Variants in SKAP2 observed in about 807,000 individuals in gnomAD.
The protein encoded by SKAP2 is src kinase-associated phosphoprotein 2.
Under a neutral mutation model 54.9 loss-of-function variants are expected in SKAP2, and 28 were observed. That is an observed-to-expected ratio of 0.51 (90% CI 0.38 to 0.70). SKAP2 has a LOEUF of 0.70. Among genes scored for constraint, SKAP2 ranks in the 30% least tolerant of loss-of-function variants. The pLI is 0.00. For synonymous variants in SKAP2, 137 were observed against 134.3 expected (o/e 1.02, Z -0.14); for missense variants, 356 against 424.1 (o/e 0.84, Z 1.41).
At chr7:26,836,667 C>T (rs1784719896) in intron 4 of SKAP2, among the ~76,000 whole-genome samples, 2 of 152,142 alleles carry the variant, frequency 1.3e-5, no homozygotes, top group African/African-American at 4.8e-5. Flanking sequence ...GAACAGTGAT[C>T]ATTAAAAAGT....
Position 26,844,150 on chromosome 7 carries a change from A to C in SKAP2, c.200-13T>G. 1 of 1,525,208 alleles carries C rather than the reference A, an allele frequency of 6.6e-7. No individual in the cohort carries two copies. Among genetic ancestry groups the C allele is most frequent in the Non-Finnish European group, 9.1e-7 (1 of 1,103,768 alleles). 94.5% of individuals were successfully genotyped at this position (1,525,208 alleles called of 1,614,324 possible). On this transcript the variant is annotated splice_polypyrimidine_tract_variant and intron_variant, in intron 3 of 12. Transcript: ENST00000345317. ...TCTTCTGCATCACCTGTTAAAAAAA[A>C]AAAAAATCAGAGAACTGCCTTTTAT...
intron 4 of SKAP2, among the ~76,000 whole-genome samples, chr7:26,755,850 G>A (rs1307294814): frequency 2.0e-5 from 3 of 152,194 alleles, no homozygotes; most frequent in African/African-American, 4.8e-5. Flanking sequence ...CACTCACCCC[G>A]TTTTGGGGAG....
intron 1 of SKAP2, 59 bp from the exon 2 acceptor site, chr7:26,854,949 G>C (rs916830260): frequency 8.5e-6 from 10 of 1,178,162 alleles, no homozygotes; most frequent in Non-Finnish European, 1.2e-5. Flanking sequence ...GTTTTGTGAA[G>C]ATAAATAGGA....
intron 9 of SKAP2, among the ~76,000 whole-genome samples, chr7:26,717,500 A>C: frequency 1.7e-5 from 2 of 117,576 alleles, no homozygotes; most frequent in African/African-American, 6.5e-5. Context: ...ACAGAGCAAG[A>C]CCCCATCTCA....
At chr7:26,824,687 G>A in intron 4 of SKAP2, among the ~76,000 whole-genome samples, 1 of 152,138 alleles carries the variant, frequency 6.6e-6, no homozygotes, top group Non-Finnish European at 1.5e-5. Flanking sequence ...GTGGGACTAT[G>A]GTCTGTGTAA....
intron 4 of SKAP2, among the ~76,000 whole-genome samples, chr7:26,783,536 G>C (rs1313209095): frequency 6.6e-6 from 1 of 151,954 alleles, no homozygotes; most frequent in Non-Finnish European, 1.5e-5. Context: ...CATCCTTTAA[G>C]AGTGAGCTTA....
In SKAP2 at chr7:26,683,498, G is replaced by A. The variant is rs77150403; in HGVS notation, c.987+1238C>T. On this transcript the variant is annotated intron_variant, in intron 11 of 12. Coordinates refer to ENST00000345317, the MANE Select transcript of SKAP2 (RefSeq NM_003930.5). Reference sequence around the variant, plus strand: ...TTATTTTATCACAGTTGTCAGAGTGGGTCCTGGCACACTGCAGGTGCTTTA... The same window carrying A: ...TTATTTTATCACAGTTGTCAGAGTGAGTCCTGGCACACTGCAGGTGCTTTA... Among the ~76,000 whole-genome samples the A allele has an allele frequency of 6.0e-5, 9 of 150,590 alleles. No individual in the cohort carries two copies. In the East Asian group the frequency reaches 1.6e-3, roughly 26 times the overall value.
intron 4 of SKAP2, among the ~76,000 whole-genome samples, chr7:26,836,518 A>G (rs1784715852): frequency 6.6e-6 from 1 of 152,242 alleles, no homozygotes; most frequent in South Asian, 2.1e-4. Context: ...CCCACCAAAA[A>G]GTGGGCGAAG....
chr7:26,850,143 A>G (rs963706850), intron 3 of SKAP2, among the ~76,000 whole-genome samples: 2 of 152,228 alleles, frequency 1.3e-5, no homozygotes, highest in Non-Finnish European at 2.9e-5. Flanking sequence ...CAAGTCAACT[A>G]AGAGACCTAT....
intron 9 of SKAP2, among the ~76,000 whole-genome samples, chr7:26,722,030 T>C (rs968721147): frequency 3.9e-5 from 6 of 152,182 alleles, no homozygotes; most frequent in Non-Finnish European, 8.8e-5. Context: ...AACACAAATA[T>C]GCTATAGTAT....
chr7:26,783,637 A>G (rs922375742), intron 4 of SKAP2, among the ~76,000 whole-genome samples: 1 of 152,084 alleles, frequency 6.6e-6, no homozygotes, highest in Non-Finnish European at 1.5e-5. Flanking sequence ...ATGTGCTGAA[A>G]CCACCTGGAG....
intron 1 of SKAP2, among the ~76,000 whole-genome samples, chr7:26,861,392 T>G (rs1195841220): frequency 6.6e-6 from 1 of 152,080 alleles, no homozygotes; most frequent in Non-Finnish European, 1.5e-5. Context: ...AAGAAAAAAA[T>G]CAAAGGTTGC....
At chr7:26,688,912 G>A (rs1023658879) in intron 10 of SKAP2, among the ~76,000 whole-genome samples, 2 of 152,112 alleles carry the variant, frequency 1.3e-5, no homozygotes, top group Non-Finnish European at 2.9e-5. Context: ...TACATAAACC[G>A]AAAACATATA....
At chr7:26,794,075 T>C (rs977152959) in intron 4 of SKAP2, among the ~76,000 whole-genome samples, 3 of 152,146 alleles carry the variant, frequency 2.0e-5, no homozygotes, top group Non-Finnish European at 2.9e-5. Context: ...AACAAGAAAA[T>C]TGAGCTGCTA....
intron 4 of SKAP2, among the ~76,000 whole-genome samples, chr7:26,813,421 G>A (rs544108490): frequency 2.0e-5 from 3 of 152,266 alleles, no homozygotes; most frequent in East Asian, 3.9e-4. Flanking sequence ...AACAAAAATG[G>A]TTATAAGCTT....
chr7:26,789,549 T>C (rs935344642), intron 4 of SKAP2, among the ~76,000 whole-genome samples: 5 of 152,242 alleles, frequency 3.3e-5, no homozygotes, highest in Non-Finnish European at 7.3e-5. Flanking sequence ...GTTTTTTAAA[T>C]GTGTATTTTG....
At chr7:26,665,850 C>CAA (rs1343180301), downstream of SKAP2, among the ~76,000 whole-genome samples, 1 of 152,108 alleles carries the variant, frequency 6.6e-6, no homozygotes, top group Non-Finnish European at 1.5e-5. Flanking sequence ...AACTGTTGTG[C>CAA]ATTTGAGTAT....
chr7:26,662,342 T>C (rs1425908244), downstream of SKAP2, among the ~76,000 whole-genome samples: 3 of 152,138 alleles, frequency 2.0e-5, no homozygotes, highest in Non-Finnish European at 2.9e-5. Context: ...TAAAAATACA[T>C]ACATAAGGAA....
At chr7:26,789,346 G>C (rs1327988) in intron 4 of SKAP2, among the ~76,000 whole-genome samples, 32,591 of 151,962 alleles carry the variant, frequency 0.21, 3,581 homozygotes, top group Non-Finnish European at 0.24. Flanking sequence ...CCACTTAAAG[G>C]AAGTTGAGGC....
Sources: allele counts gnomAD v4.1 joint callset (sites outside exome capture counted in the v4.1 genomes callset), GRCh38; gene constraint gnomAD v4.1.1; transcripts MANE v1.5; gene names NCBI Gene and HGNC (gene_info 2026-07-23, HGNC 2026-07-21).